Variants in PTPRN2 observed in about 807,000 individuals in gnomAD.
PTPRN2 encodes the protein protein tyrosine phosphatase receptor type N2, also known as receptor-type tyrosine-protein phosphatase N2.
In PTPRN2, 74 loss-of-function variants were observed where a neutral mutation model predicts 118.8. The observed-to-expected ratio is 0.62, with a 90% CI of 0.52 to 0.76. The LOEUF (loss-of-function observed/expected upper bound fraction) is 0.76. Among genes scored for constraint, PTPRN2 ranks in the 30% least tolerant of loss-of-function variants. The pLI is 0.00. For synonymous variants in PTPRN2, 641 were observed against 608.0 expected (o/e 1.05, Z -0.80); for missense variants, 1,481 against 1,394.4 (o/e 1.06, Z -0.99).
chr7:158,416,626 G>A (rs549344353), intron 2 of PTPRN2, among the ~76,000 whole-genome samples: 4 of 152,276 alleles, frequency 2.6e-5, no homozygotes, highest in African/African-American at 9.6e-5. Context: ...AGATATAAGT[G>A]CACCAGAGAA....
chr7:157,544,596 G>A (rs973276472), intron 22 of PTPRN2, among the ~76,000 whole-genome samples: 19 of 152,366 alleles, frequency 1.2e-4, no homozygotes, highest in African/African-American at 4.3e-4. Context: ...CTTCTTGGGT[G>A]TGGGACACAC....
At chr7:157,641,810 A>G (rs932400485) in intron 14 of PTPRN2, among the ~76,000 whole-genome samples, 1 of 152,202 alleles carries the variant, frequency 6.6e-6, no homozygotes, top group Admixed American at 6.5e-5. Context: ...TTCGGGTTCA[A>G]GAAGTCACAA....
At chr7:158,496,179 G>A (rs1180086794) in intron 1 of PTPRN2, among the ~76,000 whole-genome samples, 1 of 151,488 alleles carries the variant, frequency 6.6e-6, no homozygotes. Context: ...CCAGTCTGGG[G>A]ACAACCCCTG....
At chr7:157,743,397 C>A (rs2366832) in intron 12 of PTPRN2, among the ~76,000 whole-genome samples, 1 of 152,040 alleles carries the variant, frequency 6.6e-6, no homozygotes, top group Non-Finnish European at 1.5e-5. Flanking sequence ...ATCGGTGCGG[C>A]GGGCTATGCT....
In PTPRN2 at chr7:157,929,971, C is replaced by G. The variant is rs117119079; in HGVS notation, c.1724-31234G>C. ...GGGTCCAAGCCTGGACCTAGACACCCGTCCCAGCTCAGACGCTCAGCTCTG... is the reference window on the plus strand; with the variant it reads ...GGGTCCAAGCCTGGACCTAGACACCGGTCCCAGCTCAGACGCTCAGCTCTG... On this transcript the variant is annotated intron_variant, in intron 11 of 22. Transcript: ENST00000389418. This position sits in a 1 kb window ranked among gnomAD's most constrained non-coding sequence, Gnocchi z 4.4. Among the ~76,000 whole-genome samples, 5 of 152,164 alleles carry G rather than the reference C, an allele frequency of 3.3e-5. No homozygotes were observed. Among genetic ancestry groups the G allele is most frequent in the Non-Finnish European group, 7.3e-5 (5 of 68,030 alleles).
rs116833346 is a variant in PTPRN2 at position 158,105,668 on chromosome 7, T to C, written c.1643+5161A>G. On this transcript the variant is annotated intron_variant, in intron 10 of 22. Coordinates refer to ENST00000389418, the MANE Select transcript of PTPRN2 (RefSeq NM_002847.5). ...GATTCATCAACTCTATCCCAGACCA[T>C]GGAGCTCCATCCACCTCCATCCCAG... 7.2e-3 allele frequency among the ~76,000 whole-genome samples: 1,074 copies of C among 149,514 alleles called. 13 individuals carry two copies. Among genetic ancestry groups the C allele is most frequent in the Middle Eastern group, 0.019 (5 of 268 alleles).
intron 3 of PTPRN2, among the ~76,000 whole-genome samples, chr7:158,220,974 A>C (rs1311617085): frequency 2.0e-5 from 3 of 152,164 alleles, no homozygotes; most frequent in African/African-American, 7.2e-5. Context: ...ATATACTATA[A>C]GGCCATAGTA....
chr7:158,086,489 T>C (rs1461335719), intron 10 of PTPRN2, among the ~76,000 whole-genome samples: 2 of 152,222 alleles, frequency 1.3e-5, no homozygotes, highest in East Asian at 1.9e-4. Context: ...CTCACTCTCA[T>C]GTTTTCGGCC....
intron 12 of PTPRN2, among the ~76,000 whole-genome samples, chr7:157,710,483 AC>A (rs147103515): frequency 1.9e-5 from 1 of 53,944 alleles, no homozygotes; most frequent in Admixed American, 1.6e-4. Flanking sequence ...AACCGCCCCC[AC>A]CCCCCCGCCC....
At chr7:157,727,526 G>T (rs192701294) in intron 12 of PTPRN2, among the ~76,000 whole-genome samples, 15 of 149,388 alleles carry the variant, frequency 1.0e-4, no homozygotes, top group Middle Eastern at 3.4e-3. Context: ...CTGCCGGGGT[G>T]GGGGGAGGAA....
At chr7:157,922,903 C>T (rs1798766916) in intron 11 of PTPRN2, among the ~76,000 whole-genome samples, 1 of 152,238 alleles carries the variant, frequency 6.6e-6, no homozygotes, top group East Asian at 1.9e-4. Flanking sequence ...ATATATATTA[C>T]AAATGATGCC....
rs778244985 is a variant in PTPRN2, at chr7:157,784,281, C to A, written c.1789-101344G>T. ...AGGTCTCAGGAGGCCAAGTGGGGGG[C>A]CTGCCCCCACCTCTGGGGTCTCAGC... On this transcript the variant is annotated intron_variant, in intron 12 of 22. Coordinates refer to ENST00000389418, the MANE Select transcript of PTPRN2 (RefSeq NM_002847.5). The surrounding 1 kb of genome is among the most constrained non-coding windows in gnomAD (Gnocchi z 4.6). 3.3e-5 allele frequency among the ~76,000 whole-genome samples: 5 copies of A among 152,136 alleles called. No individual in the cohort carries two copies. Among genetic ancestry groups the A allele is most frequent in the African/African-American group, 7.2e-5 (3 of 41,426 alleles).
At chr7:158,497,742 T>C (rs1299072081) in intron 1 of PTPRN2, among the ~76,000 whole-genome samples, 1 of 152,248 alleles carries the variant, frequency 6.6e-6, no homozygotes, top group East Asian at 1.9e-4. Flanking sequence ...CGATGGGAGC[T>C]GACCGCTGGC....
intron 22 of PTPRN2, among the ~76,000 whole-genome samples, chr7:157,546,600 A>T (rs1798331587): frequency 6.6e-6 from 1 of 152,220 alleles, no homozygotes; most frequent in African/African-American, 2.4e-5. Context: ...GCTGTAAAGG[A>T]CATGATCTCA....
intron 11 of PTPRN2, among the ~76,000 whole-genome samples, chr7:157,938,485 G>A (rs895827402): frequency 2.0e-5 from 3 of 152,182 alleles, no homozygotes; most frequent in South Asian, 2.1e-4. Context: ...GCCATGCCAC[G>A]TGCAGACCAC....
At position 157,848,737 on chromosome 7, in the gene PTPRN2, G is replaced by A. The variant is rs542452235; in HGVS notation, c.1788+49936C>T. The stretch of plus-strand genomic sequence containing the variant: ...GCTGAAGTGAGTGGGGCCCCTGTCC[G>A]CAGGCTGCCACCTCTGGCAGGTCGT... On this transcript the variant is annotated intron_variant, in intron 12 of 22. Coordinates refer to ENST00000389418, the MANE Select transcript of PTPRN2 (RefSeq NM_002847.5). Among the ~76,000 whole-genome samples, 6 of 152,346 alleles carry A rather than the reference G, an allele frequency of 3.9e-5. No individual in the cohort carries two copies. The East Asian group carries it at 5.8e-4, about 15-fold the overall frequency.
intron 2 of PTPRN2, among the ~76,000 whole-genome samples, chr7:158,344,785 G>C (rs1245163068): frequency 1.3e-5 from 2 of 152,286 alleles, no homozygotes; most frequent in Non-Finnish European, 1.5e-5. Context: ...TTCATCGGTG[G>C]GTTTAGGAGA....
In PTPRN2 at chr7:158,276,373, ACCCCGG is replaced by A. The variant is rs1274608024; in HGVS notation, c.277+40440_277+40445del. Among the ~76,000 whole-genome samples, 5 of 8,476 alleles carry A rather than the reference ACCCCGG, an allele frequency of 5.9e-4. 1 individual carries two copies. The highest frequency in any genetic ancestry group is 1.4e-3 in the African/African-American group (5 of 3,596). 5.6% of individuals were successfully genotyped at this position (8,476 alleles called of 152,430 possible). A position where few individuals can be genotyped will look rare whatever the true frequency, so the allele number is the denominator to read the frequency against. On this transcript the variant is annotated intron_variant, in intron 3 of 22. Transcript: ENST00000389418. ...ACAGGCTGTAAGGCAGCACCCCCACACCCCGGCCCCAACAGGCTGTATCACCCCCCA... is the reference window on the plus strand; with the variant it reads ...ACAGGCTGTAAGGCAGCACCCCCACACCCCAACAGGCTGTATCACCCCCCA...
intron 12 of PTPRN2, among the ~76,000 whole-genome samples, chr7:157,771,268 A>G (rs1802786926): frequency 6.6e-6 from 1 of 152,230 alleles, no homozygotes; most frequent in Admixed American, 6.5e-5. Flanking sequence ...GAGCAGAAAC[A>G]AGACTTCCCT....
Sources: gnomAD v4.1 joint callset for allele counts (sites outside exome capture counted in the v4.1 genomes callset) on GRCh38, gnomAD v4.1.1 for gene constraint, Gnocchi (gnomAD v3.1) non-coding constraint, MANE v1.5 for transcripts, NCBI Gene and HGNC (gene_info 2026-07-23, HGNC 2026-07-21) for gene names.